Variants in SLC25A53 observed in about 807,000 individuals in gnomAD.
SLC25A53 encodes the protein solute carrier family 25 member 53.
SLC25A53 carries 5 observed loss-of-function variants against 15.0 expected under a neutral mutation model. That is an observed-to-expected ratio of 0.33 (90% confidence interval 0.17 to 0.70). The LOEUF (loss-of-function observed/expected upper bound fraction) is 0.70, where lower values mean the gene tolerates loss of function less well. Among genes scored for constraint, SLC25A53 ranks in the 30% least tolerant of loss-of-function variants. SLC25A53 has a pLI of 0.67. For missense variants in SLC25A53, 216 were observed against 241.6 expected (o/e 0.89, Z 0.70); for synonymous variants, 95 against 100.0 (o/e 0.95, Z 0.30).
At chrX:104,131,919 G>GT (rs2075426603) in intron 1 of SLC25A53, among the ~76,000 whole-genome samples, 1 of 111,633 alleles carries the variant, frequency 9.0e-6, no homozygotes, top group Admixed American at 9.5e-5. Flanking sequence ...TCTTCCTTGT[G>GT]TTTTCTCTCC....
intron 1 of SLC25A53, among the ~76,000 whole-genome samples, chrX:104,140,533 A>T (rs1344195735): frequency 9.0e-6 from 1 of 111,403 alleles, no homozygotes; most frequent in Non-Finnish European, 1.9e-5. Context: ...GTTAAAACTC[A>T]TAGCTCCTGC....
At chrX:104,150,948 C>T (rs1038558125) in intron 1 of SLC25A53, among the ~76,000 whole-genome samples, 1 of 111,326 alleles carries the variant, frequency 9.0e-6, no homozygotes, top group Non-Finnish European at 1.9e-5. Context: ...CTAAGGACCT[C>T]GCATAAGAAA....
intron 1 of SLC25A53, among the ~76,000 whole-genome samples, chrX:104,119,487 G>T (rs2147871091): frequency 9.0e-6 from 1 of 111,446 alleles, no homozygotes; most frequent in African/African-American, 3.3e-5. Context: ...TGGAAAGGGG[G>T]CAGGGCTGGC....
chrX:104,144,704 CA>C (rs199623793), intron 1 of SLC25A53, among the ~76,000 whole-genome samples: 4,241 of 110,938 alleles, frequency 0.038, 175 homozygotes, highest in African/African-American at 0.13. Context: ...ATAAAAAGAT[CA>C]AAAGAGACAA....
chrX:104,153,401 C>T (rs183593006), intron 1 of SLC25A53, among the ~76,000 whole-genome samples: 2 of 111,087 alleles, frequency 1.8e-5, no homozygotes, highest in African/African-American at 6.5e-5. Context: ...TCTTCTGGGA[C>T]TACCATAATA....
chrX:104,131,179 C>T lies in SLC25A53; in HGVS notation c.-32+25699G>A, dbSNP rs932991529. On this transcript the variant is annotated intron_variant, in intron 1 of 1. Coordinates refer to ENST00000594199, the MANE Select transcript of SLC25A53 (RefSeq NM_001012755.5). ...CTCTCCATGTTGTCTCTTGACCTCT[C>T]CATTTGATTTCTCCAGCAGGGCAGT... 6 of 112,066 alleles carry T rather than the reference C, an allele frequency of 5.4e-5. No individual in the cohort carries two copies. The Admixed American group carries it at 5.7e-4, about 11-fold the overall frequency. The allele number at this position is 112,066 out of a possible 1,213,427, so 9.2% of individuals were successfully genotyped here.
Position 104,105,180 on chromosome X carries a change from C to G in SLC25A53, c.78G>C (p.Trp26Cys). The G allele has an allele frequency of 8.3e-7, 1 of 1,212,083 alleles. No homozygotes were observed. Among genetic ancestry groups the G allele is most frequent in the South Asian group, 1.8e-5 (1 of 57,031 alleles). ...TRAEAPGKKS[W>C]HSQAYALGAV... Reference sequence around the variant, plus strand: ...CCCCAAGGGCATAGGCCTGGGAATGCCAGCTTTTCTTTCCTGGAGCCTCTG... The same window carrying G: ...CCCCAAGGGCATAGGCCTGGGAATGGCAGCTTTTCTTTCCTGGAGCCTCTG... Residue 26 changes from tryptophan (W) to cysteine (C), a missense_variant, in exon 2 of 2, where the codon TGG becomes TGC. Coordinates refer to ENST00000594199, the MANE Select transcript of SLC25A53 (RefSeq NM_001012755.5).
In SLC25A53 at chrX:104,135,781, T is replaced by C. The variant is rs1443025483; in HGVS notation, c.-32+21097A>G. ...CAATTATTCTGTGCCTCACAGTAGT[T>C]AAATATCTACTATGTACTGGAGCCT... On this transcript the variant is annotated intron_variant, in intron 1 of 1. Coordinates refer to ENST00000594199, the MANE Select transcript of SLC25A53 (RefSeq NM_001012755.5). Among the ~76,000 whole-genome samples the C allele has an allele frequency of 2.7e-5, 3 of 112,011 alleles. No individual in the cohort carries two copies. In the Admixed American group the frequency reaches 2.9e-4, roughly 11 times the overall value.
rs189128466 is a variant in SLC25A53, at chrX:104,141,676, C to T, written c.-32+15202G>A. Among the ~76,000 whole-genome samples, 846 of 111,452 alleles carry T rather than the reference C, an allele frequency of 7.6e-3. 10 individuals carry two copies. The highest frequency in any genetic ancestry group is 0.026 in the African/African-American group (793 of 30,636). Reference sequence around the variant, plus strand: ...GATCATAGCTCACTGCAGTCTCCACCGCCTCAGCTCAAGCGATCCTCCCAC... The same window carrying T: ...GATCATAGCTCACTGCAGTCTCCACTGCCTCAGCTCAAGCGATCCTCCCAC... On this transcript the variant is annotated intron_variant, in intron 1 of 1. Transcript: ENST00000594199.
intron 1 of SLC25A53, among the ~76,000 whole-genome samples, chrX:104,150,871 C>T (rs1487209984): frequency 9.0e-6 from 1 of 111,542 alleles, no homozygotes; most frequent in African/African-American, 3.3e-5. Flanking sequence ...ACTGAGCAAT[C>T]AACCCAACCT....
Position 104,099,757 on chromosome X carries a change from T to C in SLC25A53, c.*4577A>G, listed in dbSNP as rs1822577914. 9.0e-6 allele frequency: 1 copy of C among 111,306 alleles called. No homozygotes were observed. Among genetic ancestry groups the C allele is most frequent in the African/African-American group, 3.3e-5 (1 of 30,601 alleles). The allele number at this position is 111,306 out of a possible 1,213,427, so 9.2% of individuals were successfully genotyped here. A position where few individuals can be genotyped will look rare whatever the true frequency, so the allele number is the denominator to read the frequency against. On this transcript the variant is annotated 3_prime_UTR_variant, in exon 2 of 2. Coordinates refer to ENST00000594199, the MANE Select transcript of SLC25A53 (RefSeq NM_001012755.5). ...ATGGAGGGAGCGGTGTCATCAGTGGTGGGGGGAGAAGAGTAGGTTATTAAA... is the reference window on the plus strand; with the variant it reads ...ATGGAGGGAGCGGTGTCATCAGTGGCGGGGGGAGAAGAGTAGGTTATTAAA...
chrX:104,114,349 G>A (rs1382877371), intron 1 of SLC25A53: 19 of 1,209,890 alleles, frequency 1.6e-5, no homozygotes, highest in Non-Finnish European at 2.1e-5. Flanking sequence ...TATGTCTGAG[G>A]AGGAAAAACT....
chrX:104,119,686 G>C (rs1426663819), intron 1 of SLC25A53, among the ~76,000 whole-genome samples: 1 of 108,790 alleles, frequency 9.2e-6, no homozygotes, highest in Non-Finnish European at 1.9e-5. Flanking sequence ...CACTCTTTAA[G>C]CGGGGGGCGG....
At chrX:104,156,613 C>T (rs782455959) in intron 1 of SLC25A53, among the ~76,000 whole-genome samples, 1 of 110,762 alleles carries the variant, frequency 9.0e-6, no homozygotes, top group African/African-American at 3.3e-5. Flanking sequence ...CGTCCGCCCC[C>T]TCCCCCATAG....
rs370922777 is a variant in SLC25A53, at chrX:104,105,211, G to A, written c.47C>T (p.Thr16Met). The A allele has an allele frequency of 3.6e-5, 43 of 1,210,046 alleles. No homozygotes were observed. The African/African-American group carries it at 4.9e-4, about 14-fold the overall frequency. The part of the protein sequence containing the change: ...HSPGKELQHR[T>M]RAEAPGKKSW... ...TTTCTTTCCTGGAGCCTCTGCTCGCGTCCTGTGCTGAAGCTCCTTCCCGGG... is the reference window on the plus strand; with the variant it reads ...TTTCTTTCCTGGAGCCTCTGCTCGCATCCTGTGCTGAAGCTCCTTCCCGGG... Residue 16 changes from threonine to methionine, a missense_variant, in exon 2 of 2, where the codon ACG becomes ATG. Transcript: ENST00000594199.
intron 1 of SLC25A53, among the ~76,000 whole-genome samples, chrX:104,131,808 C>A (rs113758990): frequency 6.6e-4 from 74 of 111,464 alleles, no homozygotes; most frequent in Non-Finnish European, 1.2e-3. Context: ...TATCGCCATC[C>A]CAGACTTCTC....
intron 1 of SLC25A53, among the ~76,000 whole-genome samples, chrX:104,153,585 AATTT>A (rs1390411570): frequency 1.8e-5 from 2 of 111,736 alleles, no homozygotes; most frequent in Non-Finnish European, 3.8e-5. Flanking sequence ...CCTCAAACAT[AATTT>A]ATTACCAGAA....
intron 1 of SLC25A53, among the ~76,000 whole-genome samples, chrX:104,106,711 A>C (rs1265255891): frequency 2.7e-5 from 3 of 111,206 alleles, no homozygotes; most frequent in Admixed American, 1.9e-4. Context: ...CTGCCAGGCC[A>C]AGAATCCGCC....
At chrX:104,136,049 A>G (rs1602500634) in intron 1 of SLC25A53, among the ~76,000 whole-genome samples, 1 of 111,260 alleles carries the variant, frequency 9.0e-6, no homozygotes, top group South Asian at 3.8e-4. Flanking sequence ...GAATACTGAA[A>G]AGATGCCCTT....
Sources: allele counts gnomAD v4.1 joint callset (sites outside exome capture counted in the v4.1 genomes callset), GRCh38; gene constraint gnomAD v4.1.1; transcripts MANE v1.5; gene names NCBI Gene and HGNC (gene_info 2026-07-23, HGNC 2026-07-21).